TLL2: variants seen among roughly 807,000 people sequenced by gnomAD.
The protein encoded by TLL2 is tolloid-like protein 2.
In TLL2, 106 loss-of-function variants were observed where a neutral mutation model predicts 123.0. The ratio of observed to expected loss-of-function variants is 0.86; its 90% CI spans 0.74 to 1.01. The LOEUF (loss-of-function observed/expected upper bound fraction) is 1.01, where lower values mean the gene tolerates loss of function less well. Ranked by LOEUF, TLL2 falls within the 50% of genes least tolerant of loss-of-function variation. The probability of loss-of-function intolerance (pLI) is 0.00; values close to 1 mark genes in which losing one functional copy is unlikely to be tolerated. For missense variants in TLL2, 1,332 were observed against 1,336.7 expected, an observed-to-expected ratio of 1.00 and a Z score of 0.06; for synonymous variants, 494 against 516.8, an observed-to-expected ratio of 0.96 and a Z score of 0.60.
rs763402210 is a variant in TLL2 at position 96,513,605 on chromosome 10, C to T, written c.81G>A (p.Gly27=). ...LPLPRGAGGL[G]ERPDATADYS... is the part of the protein sequence containing the mutation. ...AGTCTGCGGTGGCGTCCGGGCGCTC[C>T]CCGAGTCCCCCGGCGCCGCGAGGCA... Residue 27 remains glycine (G), a synonymous_variant, in exon 1 of 21, where the codon GGG becomes GGA. Transcript: ENST00000357947. 4 of 1,603,408 alleles carry T rather than the reference C, an allele frequency of 2.5e-6. No individual in the cohort carries two copies. The South Asian group carries it at 3.3e-5, about 13-fold the overall frequency.
chr10:96,504,999 C>G (rs1847565804), intron 1 of TLL2, among the ~76,000 whole-genome samples: 1 of 152,050 alleles, frequency 6.6e-6, no homozygotes, highest in South Asian at 2.1e-4. Flanking sequence ...CAGAGCGAGA[C>G]TCCGTCTCAA....
chr10:96,396,776 G>A (rs531325378), intron 11 of TLL2, among the ~76,000 whole-genome samples: 11 of 152,228 alleles, frequency 7.2e-5, no homozygotes, highest in African/African-American at 2.6e-4. Flanking sequence ...ATTCCTTGAT[G>A]TTGCCCAAAG....
intron 10 of TLL2, among the ~76,000 whole-genome samples, chr10:96,403,426 T>C (rs1846414815): frequency 6.6e-6 from 1 of 152,262 alleles, no homozygotes; most frequent in African/African-American, 2.4e-5. Flanking sequence ...CCAGCTACTT[T>C]GACCCAACCT....
At chr10:96,374,872 C>T (rs1440819538) in intron 18 of TLL2, among the ~76,000 whole-genome samples, 1 of 150,440 alleles carries the variant, frequency 6.6e-6, no homozygotes, top group East Asian at 2.0e-4. Flanking sequence ...GGAGCCCCAG[C>T]GTCAAGGGAG....
chr10:96,405,015 G>A (rs1023394237), intron 10 of TLL2, among the ~76,000 whole-genome samples: 2 of 152,160 alleles, frequency 1.3e-5, no homozygotes, highest in Non-Finnish European at 2.9e-5. Context: ...TAGTTCCCTA[G>A]GATGAATTCC....
At chr10:96,384,811 C>T in intron 15 of TLL2, 44 bp from the exon 16 acceptor site, 2 of 1,522,812 alleles carry the variant, frequency 1.3e-6, no homozygotes, top group South Asian at 1.3e-5. Flanking sequence ...TCCCTGTCCC[C>T]ACCCCAGACC....
In TLL2 at chr10:96,455,670, A is replaced by T. The variant is rs538677978; in HGVS notation, c.287-9502T>A. On this transcript the variant is annotated intron_variant, in intron 2 of 20. Coordinates refer to ENST00000357947, the MANE Select transcript of TLL2 (RefSeq NM_012465.4). Reference sequence around the variant, plus strand: ...CATGGCAACATCATGAAGTTACCCTATATGATCTAAAACGGGGAGGCATGA... The same window carrying T: ...CATGGCAACATCATGAAGTTACCCTTTATGATCTAAAACGGGGAGGCATGA... Among the ~76,000 whole-genome samples, 3 of 152,356 alleles carry T rather than the reference A, an allele frequency of 2.0e-5. No individual in the cohort carries two copies. The South Asian group carries it at 6.2e-4, about 32-fold the overall frequency.
rs900415618 is a variant in TLL2, at chr10:96,398,876, T to A, written c.1268-1574A>T. Among the ~76,000 whole-genome samples, 23 of 146,264 alleles carry A rather than the reference T, an allele frequency of 1.6e-4. No homozygotes were observed. The East Asian group carries it at 1.6e-3, about 10-fold the overall frequency. On this transcript the variant is annotated intron_variant, in intron 10 of 20. Transcript: ENST00000357947. ...GGAGTGATGAAAATATTCTTTTTTT[T>A]TTTTTTTTTTTTTGAGACAGAGTCT... is the stretch of plus-strand genomic sequence containing the variant.
chr10:96,441,338 G>C (rs752307926), intron 3 of TLL2, among the ~76,000 whole-genome samples: 3 of 152,226 alleles, frequency 2.0e-5, no homozygotes, highest in African/African-American at 7.2e-5. Flanking sequence ...AAGGCTGAAG[G>C]CCGCTAAGTA....
intron 14 of TLL2, 149 bp from the exon 15 acceptor site, chr10:96,386,364 A>G (rs72829522): frequency 0.048 from 39,569 of 828,486 alleles, 1,189 homozygotes; most frequent in Middle Eastern, 0.066. Flanking sequence ...CTTTGTTCAA[A>G]ACTAATGGTT....
intron 11 of TLL2, 36 bp from the exon 12 acceptor site, chr10:96,396,056 C>G (rs1554932920): frequency 6.2e-7 from 1 of 1,609,770 alleles, no homozygotes; most frequent in South Asian, 1.1e-5. Flanking sequence ...AAGACGGGGG[C>G]CCTGGTCAGA....
At position 96,386,137 on chromosome 10, in the gene TLL2, T is replaced by C; in HGVS notation, c.1931A>G (p.Lys644Arg). 1 of 1,613,152 alleles carries C rather than the reference T, an allele frequency of 6.2e-7. No homozygotes were observed. The highest frequency in any genetic ancestry group is 8.5e-7 in the Non-Finnish European group (1 of 1,179,570). ...GGCCACCACCTGCCAGACACAGTTT[T>C]TGTTTGTGGGATACTCCTTCGGCCA... ...PGWPKEYPTNKNCVWQVVAPA... is the reference protein window; with the variant it reads ...PGWPKEYPTNRNCVWQVVAPA... Residue 644 changes from lysine to arginine, a missense_variant, in exon 15 of 21, where the codon AAA becomes AGA. Transcript: ENST00000357947.
At chr10:96,438,568 G>C (rs1453710965) in intron 3 of TLL2, among the ~76,000 whole-genome samples, 2 of 152,082 alleles carry the variant, frequency 1.3e-5, no homozygotes, top group East Asian at 3.8e-4. Context: ...GATTTCTTAG[G>C]ATCTTCTATG....
intron 18 of TLL2, chr10:96,374,065 G>A (rs1846111481): frequency 2.1e-6 from 1 of 484,604 alleles, no homozygotes; most frequent in Admixed American, 3.4e-5. Context: ...CACTGCAGAT[G>A]AGAGAGCAGG....
At chr10:96,506,591 G>A (rs1847582149) in intron 1 of TLL2, among the ~76,000 whole-genome samples, 1 of 151,600 alleles carries the variant, frequency 6.6e-6, no homozygotes, top group Non-Finnish European at 1.5e-5. Context: ...GCTCCCCAAG[G>A]GCAGGGTTGA....
At chr10:96,455,801 C>A (rs1470081999) in intron 2 of TLL2, among the ~76,000 whole-genome samples, 2 of 152,232 alleles carry the variant, frequency 1.3e-5, no homozygotes, top group Non-Finnish European at 2.9e-5. Flanking sequence ...TCTTTCATTC[C>A]TTTACTTTCC....
chr10:96,467,581 T>C (rs1847142827), intron 2 of TLL2, among the ~76,000 whole-genome samples: 1 of 152,190 alleles, frequency 6.6e-6, no homozygotes, highest in South Asian at 2.1e-4. Flanking sequence ...AGTGTTCTTA[T>C]AAGTCATGGT....
intron 1 of TLL2, among the ~76,000 whole-genome samples, chr10:96,498,264 C>T (rs937854001): frequency 3.3e-5 from 5 of 152,216 alleles, no homozygotes; most frequent in African/African-American, 1.2e-4. Context: ...GATCCACCTA[C>T]GGCCATGCCA....
chr10:96,466,995 C>T (rs1400915887), intron 2 of TLL2, among the ~76,000 whole-genome samples: 1 of 152,122 alleles, frequency 6.6e-6, no homozygotes, highest in Admixed American at 6.5e-5. Flanking sequence ...AGAATGGTGG[C>T]ACTGGTTTTA....
Sources: allele counts gnomAD v4.1 joint callset (sites outside exome capture counted in the v4.1 genomes callset), GRCh38; gene constraint gnomAD v4.1.1; transcripts MANE v1.5; gene names NCBI Gene and HGNC (gene_info 2026-07-23, HGNC 2026-07-21).